The following ABHD18 variants were observed in gnomAD, a reference collection of about 807,000 sequenced individuals.
ABHD18 encodes the protein abhydrolase domain containing 18.
Under a neutral mutation model 65.9 loss-of-function variants are expected in ABHD18, and 55 were observed. The ratio of observed to expected loss-of-function variants is 0.84; its 90% confidence interval spans 0.67 to 1.05. The LOEUF (loss-of-function observed/expected upper bound fraction) is 1.05, where lower values mean the gene tolerates loss of function less well. Ranked by LOEUF, ABHD18 falls within the 50% of genes least tolerant of loss-of-function variation. The pLI is 0.00. For missense variants in ABHD18, 533 were observed against 558.5 expected, an observed-to-expected ratio of 0.95 and a Z score of 0.46; for synonymous variants, 181 against 180.2, an observed-to-expected ratio of 1.00 and a Z score of -0.04.
At chr4:128,017,080 G>T (rs1755641710) in intron 7 of ABHD18, among the ~76,000 whole-genome samples, 1 of 151,994 alleles carries the variant, frequency 6.6e-6, no homozygotes, top group South Asian at 2.1e-4. Flanking sequence ...ACCATGCCCT[G>T]CTAATTTTTG....
At chr4:127,973,309 C>G (rs1354487012) in intron 1 of ABHD18, among the ~76,000 whole-genome samples, 2 of 152,190 alleles carry the variant, frequency 1.3e-5, no homozygotes, top group African/African-American at 4.8e-5. Context: ...AGCCACCACG[C>G]CTTGCTGATT....
intron 4 of ABHD18, among the ~76,000 whole-genome samples, chr4:128,006,228 A>G (rs1197279504): frequency 2.6e-5 from 4 of 152,240 alleles, no homozygotes; most frequent in African/African-American, 4.8e-5. Flanking sequence ...TTATCCAATA[A>G]TGAAGTCACT....
At chr4:127,972,180 C>G (rs1460693858) in intron 1 of ABHD18, among the ~76,000 whole-genome samples, 10 of 152,214 alleles carry the variant, frequency 6.6e-5, no homozygotes. Context: ...TGGCCTCTTC[C>G]TATGGACTCA....
rs185023866 is a variant in ABHD18 at position 127,993,519 on chromosome 4, G to A, written c.278+3698G>A. 1.4e-4 allele frequency among the ~76,000 whole-genome samples: 18 copies of A among 129,016 alleles called. No individual in the cohort carries two copies. In the East Asian group the frequency reaches 1.4e-3, roughly 10 times the overall value. 84.6% of individuals were successfully genotyped at this position (129,016 alleles called of 152,430 possible). A position where few individuals can be genotyped will look rare whatever the true frequency, so the allele number is the denominator to read the frequency against. On this transcript the variant is annotated intron_variant, in intron 4 of 12. Coordinates refer to ENST00000645843, the MANE Select transcript of ABHD18 (RefSeq NM_001358451.3). Reference sequence around the variant, plus strand: ...TTGACATCTATTTTTCCTTTCCCCCGTCATTCTTGTGCAGCAATTTATCTT... The same window carrying A: ...TTGACATCTATTTTTCCTTTCCCCCATCATTCTTGTGCAGCAATTTATCTT...
intron 11 of ABHD18, 98 bp downstream of exon 11, chr4:128,028,951 G>T (rs1253937300): frequency 1.9e-6 from 2 of 1,063,858 alleles, no homozygotes; most frequent in South Asian, 2.1e-5. Flanking sequence ...ATATTTTCAA[G>T]GGTATATTTT....
At chr4:128,004,524 C>G (rs924728756) in intron 4 of ABHD18, among the ~76,000 whole-genome samples, 2 of 151,994 alleles carry the variant, frequency 1.3e-5, no homozygotes, top group African/African-American at 4.8e-5. Flanking sequence ...TGTCTGTTCT[C>G]AAATATTGTT....
intron 1 of ABHD18, among the ~76,000 whole-genome samples, chr4:127,975,873 T>C (rs1393807721): frequency 6.6e-6 from 1 of 152,212 alleles, no homozygotes; most frequent in Non-Finnish European, 1.5e-5. Context: ...TCACCCAGGC[T>C]AGAGTGCAGT....
intron 7 of ABHD18, among the ~76,000 whole-genome samples, chr4:128,013,729 G>A (rs1390064105): frequency 2.0e-5 from 3 of 151,938 alleles, no homozygotes; most frequent in African/African-American, 7.3e-5. Context: ...ACTTGGATGT[G>A]TCAAATTTGT....
At chr4:128,035,399 C>T (rs1315441815) in intron 12 of ABHD18, among the ~76,000 whole-genome samples, 4 of 151,970 alleles carry the variant, frequency 2.6e-5, no homozygotes, top group Non-Finnish European at 2.9e-5. Context: ...TGGTGATACC[C>T]CGTCTCTACT....
chr4:128,017,974 C>G (rs1297129587), intron 8 of ABHD18, among the ~76,000 whole-genome samples: 1 of 152,188 alleles, frequency 6.6e-6, no homozygotes, highest in Non-Finnish European at 1.5e-5. Context: ...CACACCCTAA[C>G]TACAGTGATC....
rs1553964860 is a variant in ABHD18 at position 128,011,495 on chromosome 4, T to TA, written c.443-170dup. Among the ~76,000 whole-genome samples, 224 of 149,352 alleles carry TA rather than the reference T, an allele frequency of 1.5e-3. 1 individual carries two copies. Among genetic ancestry groups the TA allele is most frequent in the Middle Eastern group, 6.9e-3 (2 of 290 alleles). On this transcript the variant is annotated intron_variant, in intron 6 of 12. Transcript: ENST00000645843. ...GTAAAGCTGGTTTTTTTTTTTTTTT[T>TA]AAAAAAAAGGAAAATAATTAAGTTG... is the stretch of plus-strand genomic sequence containing the variant.
At chr4:128,032,601 G>A (rs370208854) in intron 12 of ABHD18, among the ~76,000 whole-genome samples, 4 of 152,188 alleles carry the variant, frequency 2.6e-5, no homozygotes, top group Middle Eastern at 3.4e-3. Context: ...CAGGAGAACC[G>A]CTTGAACCTG....
chr4:128,013,849 AGAT>A (rs1387630009), intron 7 of ABHD18, among the ~76,000 whole-genome samples: 1 of 152,166 alleles, frequency 6.6e-6, no homozygotes, highest in African/African-American at 2.4e-5. Flanking sequence ...AAAGAGGTAT[AGAT>A]GAAAGTAGGA....
chr4:128,004,705 G>A (rs1427926636), intron 4 of ABHD18, among the ~76,000 whole-genome samples: 1 of 151,664 alleles, frequency 6.6e-6, no homozygotes, highest in Non-Finnish European at 1.5e-5. Context: ...GAGGTCAGGA[G>A]TTCGAGACCA....
Position 128,036,076 on chromosome 4 carries a change from T to C in ABHD18, c.*263T>C. ...ATATATTCAGTGTTTAGTCTGTTGT[T>C]ACTGTTTATGAAAAACTAAATTTTT... is the stretch of plus-strand genomic sequence containing the variant. On this transcript the variant is annotated 3_prime_UTR_variant, in exon 13 of 13. Transcript: ENST00000645843. 1 of 292,078 alleles carries C rather than the reference T, an allele frequency of 3.4e-6. No individual in the cohort carries two copies. The highest frequency in any genetic ancestry group is 5.6e-5 in the East Asian group (1 of 17,864). The allele number at this position is 292,078 out of a possible 1,614,324, so 18.1% of individuals were successfully genotyped here.
intron 7 of ABHD18, among the ~76,000 whole-genome samples, chr4:128,013,824 T>A (rs2149145411): frequency 1.3e-5 from 2 of 152,236 alleles, no homozygotes; most frequent in South Asian, 4.1e-4. Flanking sequence ...CCATGTTCTA[T>A]GTGGTCATAG....
intron 4 of ABHD18, among the ~76,000 whole-genome samples, chr4:127,996,375 A>G (rs1751733377): frequency 6.6e-6 from 1 of 152,142 alleles, no homozygotes; most frequent in South Asian, 2.1e-4. Flanking sequence ...GTGTCATCAC[A>G]TATTGGTAGG....
chr4:128,002,394 C>T (rs945095486), intron 4 of ABHD18, among the ~76,000 whole-genome samples: 5 of 151,732 alleles, frequency 3.3e-5, no homozygotes, highest in Non-Finnish European at 5.9e-5. Flanking sequence ...ATTCTCCTGC[C>T]TCAGTCTCCC....
At chr4:127,984,054 AAAG>A (rs1301832808) in intron 2 of ABHD18, among the ~76,000 whole-genome samples, 4 of 152,042 alleles carry the variant, frequency 2.6e-5, no homozygotes, top group East Asian at 1.9e-4. Context: ...AAAAAAAAAA[AAAG>A]AAAGAAAATG....
Sources: allele counts gnomAD v4.1 joint callset (sites outside exome capture counted in the v4.1 genomes callset), GRCh38; gene constraint gnomAD v4.1.1; transcripts MANE v1.5; gene names NCBI Gene and HGNC (gene_info 2026-07-23, HGNC 2026-07-21).